Variants in SPAG9 observed in about 807,000 individuals in gnomAD.
SPAG9 encodes C-Jun-amino-terminal kinase-interacting protein 4.
In SPAG9, 35 loss-of-function variants were observed where a neutral mutation model predicts 166.5. The ratio of observed to expected loss-of-function variants is 0.21; its 90% CI spans 0.16 to 0.28. The LOEUF (loss-of-function observed/expected upper bound fraction) is 0.28. SPAG9 is among the 10% of genes least tolerant of loss of function. The pLI, the probability that SPAG9 is intolerant of heterozygous loss-of-function variation, is 1.00. For synonymous variants in SPAG9, 534 were observed against 565.5 expected (o/e 0.94, Z 0.79); for missense variants, 1,235 against 1,603.3 (o/e 0.77, Z 3.92).
chr17:51,114,616 C>T (rs200366326), intron 1 of SPAG9, among the ~76,000 whole-genome samples: 36 of 151,794 alleles, frequency 2.4e-4, no homozygotes, highest in East Asian at 7.7e-4. Flanking sequence ...GGCAACAGAG[C>T]GTGAAACTCA....
rs1568083841 is a variant in SPAG9, at chr17:51,095,976, T to TATATATATAGTGATATATATATATAGTG, written c.304-16273_304-16272insCACTATATATATATATCACTATATATAT. Among the ~76,000 whole-genome samples, 11 of 58,392 alleles carry TATATATATAGTGATATATATATATAGTG rather than the reference T, an allele frequency of 1.9e-4. 1 individual carries two copies. Among genetic ancestry groups the TATATATATAGTGATATATATATATAGTG allele is most frequent in the African/African-American group, 1.0e-3 (7 of 6,764 alleles). 38.3% of individuals were successfully genotyped at this position (58,392 alleles called of 152,430 possible). ...ATATAGTGATATATATATATAGTGA[T>TATATATATAGTGATATATATATATAGTG]ATATATATATATAGTGATATATATA... is the stretch of plus-strand genomic sequence containing the variant. On this transcript the variant is annotated intron_variant, in intron 1 of 29. Coordinates refer to ENST00000262013, the MANE Select transcript of SPAG9 (RefSeq NM_001130528.3).
chr17:51,000,968 A>G (rs978617475), intron 13 of SPAG9, among the ~76,000 whole-genome samples: 1 of 152,198 alleles, frequency 6.6e-6, no homozygotes, highest in Admixed American at 6.5e-5. Flanking sequence ...CAAATTGTAA[A>G]ATGATATGTT....
chr17:51,026,454 A>G (rs577516268), intron 6 of SPAG9, among the ~76,000 whole-genome samples: 2 of 152,084 alleles, frequency 1.3e-5, no homozygotes, highest in East Asian at 3.9e-4. Flanking sequence ...TTAGAAGAAA[A>G]TTATGTTTTA....
intron 1 of SPAG9, among the ~76,000 whole-genome samples, chr17:51,091,492 T>TTG (rs1568079242): frequency 5.9e-5 from 9 of 151,698 alleles, no homozygotes; most frequent in African/African-American, 2.2e-4. Context: ...TTTCTGTTTT[T>TTG]TTGTTGTTGT....
intron 2 of SPAG9, among the ~76,000 whole-genome samples, chr17:51,076,985 T>TCTATCTATCTAGCTATCTATCTAGCTAG (rs2047989797): frequency 9.8e-6 from 1 of 101,646 alleles, no homozygotes; most frequent in African/African-American, 3.9e-5. Flanking sequence ...ATCTATCTTA[T>TCTATCTATCTAGCTATCTATCTAGCTAG]CTAGCTATCT....
At position 51,046,541 on chromosome 17, in the gene SPAG9, G is replaced by A. The variant is rs1250815521; in HGVS notation, c.590+834C>T. 9.8e-6 allele frequency: 15 copies of A among 1,536,122 alleles called. No homozygotes were observed. In the East Asian group the frequency reaches 2.0e-4, roughly 20 times the overall value. ...GGTTCTGCGTCAGAGCTGGCACACC[G>A]GTAGAAATAGAAAAGTGCACAAGCA... On this transcript the variant is annotated intron_variant, in intron 4 of 29. Coordinates refer to ENST00000262013, the MANE Select transcript of SPAG9 (RefSeq NM_001130528.3).
At chr17:51,014,398 C>CTT in intron 8 of SPAG9, 45 bp from the exon 9 acceptor site, 1 of 1,565,146 alleles carries the variant, frequency 6.4e-7, no homozygotes. Flanking sequence ...ATGACAAAGA[C>CTT]TTTTTTGACG....
intron 8 of SPAG9, among the ~76,000 whole-genome samples, chr17:51,018,560 A>G (rs377470784): frequency 1.3e-5 from 2 of 152,124 alleles, no homozygotes; most frequent in East Asian, 3.8e-4. Flanking sequence ...TTTAAATCAC[A>G]TTTATTTAGC....
rs1288064475 is a variant in SPAG9 at position 50,999,684 on chromosome 17, T to C, written c.1641A>G (p.Lys547=). The change falls in exon 14 of 30, where the codon AAA becomes AAG. Residue 547 remains lysine (K), a synonymous_variant. Transcript: ENST00000262013. Reference sequence around the variant, plus strand: ...ACAACTGCCAAATGCTTGACCTTTTTTTTTCCTGCATGGCTGGATTTTCTC... The same window carrying C: ...ACAACTGCCAAATGCTTGACCTTTTCTTTTCCTGCATGGCTGGATTTTCTC... ...ASRENPAMQE[K]KRSSIWQFFS... is the part of the protein sequence containing the mutation. The C allele has an allele frequency of 1.9e-6, 3 of 1,613,790 alleles. No homozygotes were observed. The highest frequency in any genetic ancestry group is 1.3e-5 in the African/African-American group (1 of 75,018).
intron 2 of SPAG9, among the ~76,000 whole-genome samples, chr17:51,062,568 T>C (rs1264780537): frequency 6.6e-6 from 1 of 152,144 alleles, no homozygotes; most frequent in African/African-American, 2.4e-5. Flanking sequence ...CTTAGTAATA[T>C]GCATTTGAGG....
intron 4 of SPAG9, among the ~76,000 whole-genome samples, chr17:51,043,727 A>C (rs2144417357): frequency 6.6e-6 from 1 of 152,348 alleles, no homozygotes; most frequent in East Asian, 1.9e-4. Context: ...AATATAATGG[A>C]AAGCTCTCTA....
At chr17:51,092,983 G>T (rs148284595) in intron 1 of SPAG9, among the ~76,000 whole-genome samples, 1 of 149,966 alleles carries the variant, frequency 6.7e-6, no homozygotes, top group East Asian at 2.0e-4. Flanking sequence ...CATTTTGTTG[G>T]TAACTGCTGA....
chr17:51,089,716 C>T (rs2048414913), intron 1 of SPAG9, among the ~76,000 whole-genome samples: 1 of 142,380 alleles, frequency 7.0e-6, no homozygotes, highest in African/African-American at 2.6e-5. Context: ...CGCTCTGTGA[C>T]CCAGGCTGGA....
intron 1 of SPAG9, among the ~76,000 whole-genome samples, chr17:51,106,449 T>G (rs565124909): frequency 6.6e-6 from 1 of 152,222 alleles, no homozygotes; most frequent in Admixed American, 6.5e-5. Context: ...CAAGACAAGA[T>G]AGGCTACCTT....
intron 2 of SPAG9, among the ~76,000 whole-genome samples, chr17:51,066,567 G>GAAAAAAAAAAAAAAAAAAAAAAAAAA (rs71149340): frequency 1.8e-5 from 2 of 110,834 alleles, no homozygotes; most frequent in Non-Finnish European, 3.5e-5. Context: ...AAAAAAAAAA[G>GAAAAAAAAAAAAAAAAAAAAAAAAAA]AAAAAAAAAA....
intron 1 of SPAG9, among the ~76,000 whole-genome samples, chr17:51,094,703 A>G (rs1042723953): frequency 6.6e-6 from 1 of 152,186 alleles, no homozygotes; most frequent in African/African-American, 2.4e-5. Flanking sequence ...GTTGTCTCAT[A>G]TATGTTTTTA....
chr17:51,078,821 CTTT>C (rs774500730), intron 2 of SPAG9, among the ~76,000 whole-genome samples: 22 of 151,924 alleles, frequency 1.4e-4, no homozygotes, highest in Admixed American at 3.3e-4. Flanking sequence ...GGATTCAGTA[CTTT>C]TTTTTCTCCA....
intron 12 of SPAG9, among the ~76,000 whole-genome samples, chr17:51,004,418 C>T (rs375344539): frequency 4.1e-4 from 62 of 152,132 alleles, no homozygotes; most frequent in African/African-American, 1.5e-3. Context: ...TTGGTCTGAC[C>T]TTTGACCTGC....
intron 9 of SPAG9, among the ~76,000 whole-genome samples, chr17:51,008,142 T>C (rs1043970226): frequency 2.0e-5 from 3 of 152,142 alleles, no homozygotes; most frequent in African/African-American, 7.2e-5. Flanking sequence ...AATACAAACT[T>C]TCCTTCAAAG....
Sources: gnomAD v4.1 joint callset for allele counts (sites outside exome capture counted in the v4.1 genomes callset) on GRCh38, gnomAD v4.1.1 for gene constraint, MANE v1.5 for transcripts, NCBI Gene and HGNC (gene_info 2026-07-23, HGNC 2026-07-21) for gene names.